The following KAZN variants were observed in gnomAD, a reference collection of about 807,000 sequenced individuals.
KAZN encodes kazrin, periplakin interacting protein.
In KAZN, 40 loss-of-function variants were observed where a neutral mutation model predicts 87.4. The observed-to-expected ratio is 0.46, with a 90% confidence interval of 0.36 to 0.60. The LOEUF (loss-of-function observed/expected upper bound fraction) is 0.60. Ranked by LOEUF, KAZN falls within the 20% of genes least tolerant of loss-of-function variation. The pLI is 0.00. For missense variants in KAZN, 898 were observed against 1,073.9 expected (o/e 0.84, Z 2.29); for synonymous variants, 466 against 458.3 (o/e 1.02, Z -0.22).
chr1:14,897,749 A>G (rs1216694470), intron 1 of KAZN, among the ~76,000 whole-genome samples: 2 of 152,172 alleles, frequency 1.3e-5, no homozygotes, highest in Non-Finnish European at 2.9e-5. Flanking sequence ...GTGATATGTT[A>G]TCTTGGTTTG....
At chr1:14,065,566 TA>T (rs201024966) in intron 1 of KAZN, among the ~76,000 whole-genome samples, 3,664 of 130,868 alleles carry the variant, frequency 0.028, 69 homozygotes, top group East Asian at 0.077. Flanking sequence ...GAAATGCATT[TA>T]AAAAAAAAAA....
intron 2 of KAZN, among the ~76,000 whole-genome samples, chr1:14,395,045 G>A (rs941702945): frequency 1.3e-4 from 20 of 152,270 alleles, no homozygotes; most frequent in Middle Eastern, 3.4e-3. Flanking sequence ...ACAGGCCCTG[G>A]TACAGAATAG....
At chr1:14,036,209 T>A (rs747824026) in intron 1 of KAZN, among the ~76,000 whole-genome samples, 1 of 152,238 alleles carries the variant, frequency 6.6e-6, no homozygotes, top group African/African-American at 2.4e-5. Flanking sequence ...AGGAGGTTTC[T>A]CTTCCAACAT....
intron 2 of KAZN, among the ~76,000 whole-genome samples, chr1:14,459,308 A>C (rs1222042844): frequency 6.6e-6 from 1 of 151,754 alleles, no homozygotes; most frequent in Non-Finnish European, 1.5e-5. Flanking sequence ...CATTTGCACA[A>C]GCCCATGTGT....
chr1:14,868,545 T>C (rs1651788151), intron 1 of KAZN, among the ~76,000 whole-genome samples: 1 of 152,058 alleles, frequency 6.6e-6, no homozygotes, highest in African/African-American at 2.4e-5. Context: ...TTGAAGTGAA[T>C]GTCTAACCAT....
At chr1:14,078,521 T>G (rs1011428287) in intron 1 of KAZN, among the ~76,000 whole-genome samples, 2 of 152,212 alleles carry the variant, frequency 1.3e-5, no homozygotes, top group African/African-American at 4.8e-5. Flanking sequence ...GGGGAACTTA[T>G]AAACAGCATA....
chr1:14,633,927 A>G (rs953352487), intron 1 of KAZN, among the ~76,000 whole-genome samples: 5 of 152,070 alleles, frequency 3.3e-5, no homozygotes, highest in African/African-American at 1.2e-4. Flanking sequence ...TTGGAGAGAG[A>G]TGAAAAATAC....
intron 2 of KAZN, among the ~76,000 whole-genome samples, chr1:14,227,906 GA>G (rs1339308139): frequency 1.3e-5 from 2 of 152,118 alleles, no homozygotes; most frequent in African/African-American, 2.4e-5. Context: ...CAGCATCTTT[GA>G]AAGTTGTGTG....
chr1:13,906,439 G>C (rs1476575416), intron 1 of KAZN, among the ~76,000 whole-genome samples: 1 of 152,124 alleles, frequency 6.6e-6, no homozygotes, highest in Non-Finnish European at 1.5e-5. Context: ...GGTGCTTATA[G>C]GTGTGAGGAA....
intron 1 of KAZN, among the ~76,000 whole-genome samples, chr1:14,167,460 T>C (rs1645855141): frequency 6.6e-6 from 1 of 152,138 alleles, no homozygotes; most frequent in South Asian, 2.1e-4. Flanking sequence ...TGGTGGCTCA[T>C]GTCTGTAATC....
intron 1 of KAZN, among the ~76,000 whole-genome samples, chr1:14,716,127 G>T (rs1642781851): frequency 1.3e-5 from 2 of 152,174 alleles, no homozygotes; most frequent in South Asian, 4.1e-4. Flanking sequence ...CTACTTAAGT[G>T]CAGAGAAAAA....
chr1:14,437,230 C>A (rs1249191906), intron 2 of KAZN, among the ~76,000 whole-genome samples: 1 of 152,118 alleles, frequency 6.6e-6, no homozygotes, highest in Non-Finnish European at 1.5e-5. Context: ...TCAAAGGAAC[C>A]CTGACTCCCA....
chr1:14,498,276 A>G (rs1351327403), intron 2 of KAZN, among the ~76,000 whole-genome samples: 3 of 152,214 alleles, frequency 2.0e-5, no homozygotes, highest in South Asian at 4.1e-4. Context: ...GCACTGTGCC[A>G]GGTCGTGTCC....
At chr1:14,874,515 T>TGGAC (rs1405813243) in intron 1 of KAZN, among the ~76,000 whole-genome samples, 1 of 148,878 alleles carries the variant, frequency 6.7e-6, no homozygotes, top group East Asian at 1.9e-4. Context: ...GATGGATGGA[T>TGGAC]GGATGGACAG....
chr1:15,114,596 T>C lies in KAZN; in HGVS notation c.2289T>C (p.Arg763=), dbSNP rs1480640915. Residue 763 remains arginine, a synonymous_variant, in exon 15 of 15, where the codon CGT becomes CGC. Coordinates refer to ENST00000376030, the MANE Select transcript of KAZN (RefSeq NM_201628.3). Reference sequence around the variant, plus strand: ...CCCAGAGCAGGCTGGAACAGTGCCGTCTGGAAGGCTACAACAGCCTGGAGG... The same window carrying C: ...CCCAGAGCAGGCTGGAACAGTGCCGCCTGGAAGGCTACAACAGCCTGGAGG... ...DDPQSRLEQC[R]LEGYNSLEVT... 3.1e-6 allele frequency: 5 copies of C among 1,598,888 alleles called. No homozygotes were observed. Among genetic ancestry groups the C allele is most frequent in the Non-Finnish European group, 3.4e-6 (4 of 1,172,652 alleles).
intron 2 of KAZN, among the ~76,000 whole-genome samples, chr1:14,305,399 G>A (rs187436756): frequency 2.8e-4 from 42 of 152,200 alleles, no homozygotes; most frequent in East Asian, 5.8e-4. Flanking sequence ...AGGGAGTGAA[G>A]ATCCCTAGTT....
intron 1 of KAZN, among the ~76,000 whole-genome samples, chr1:14,793,439 C>A (rs1645740605): frequency 6.6e-6 from 1 of 152,196 alleles, no homozygotes; most frequent in Non-Finnish European, 1.5e-5. Context: ...GGAGGCAGAC[C>A]AGCTGGGTTC....
rs375058427 is a variant in KAZN, at chr1:13,916,456, A to G, written c.91+22700A>G. ...TCTGATACTGCTTAGTATGGATGGT[A>G]GGTGCTCAAAGACTGCTCTATTAAT... On this transcript the variant is annotated intron_variant, in intron 1 of 16. Coordinates refer to the KAZN transcript ENST00000636203. Among the ~76,000 whole-genome samples the G allele has an allele frequency of 3.3e-5, 5 of 152,118 alleles. No individual in the cohort carries two copies. The East Asian group carries it at 5.8e-4, about 18-fold the overall frequency.
chr1:14,121,904 G>A (rs1248893120), intron 1 of KAZN, among the ~76,000 whole-genome samples: 1 of 152,194 alleles, frequency 6.6e-6, no homozygotes, highest in Non-Finnish European at 1.5e-5. Flanking sequence ...GAAATAGCCA[G>A]TGCAAGGCCC....
Sources: allele counts gnomAD v4.1 joint callset (sites outside exome capture counted in the v4.1 genomes callset), GRCh38; gene constraint gnomAD v4.1.1; transcripts MANE v1.5; gene names NCBI Gene and HGNC (gene_info 2026-07-23, HGNC 2026-07-21).